Variants in FARS2 observed in about 807,000 individuals in gnomAD.
FARS2 encodes phenylalanine--tRNA ligase, mitochondrial.
Under a neutral mutation model 46.4 loss-of-function variants are expected in FARS2, and 40 were observed. The observed-to-expected ratio is 0.86, with a 90% confidence interval of 0.67 to 1.12. FARS2 has a LOEUF of 1.12. Among genes scored for constraint, FARS2 ranks in the 50% most tolerant of loss-of-function variants. FARS2 has a pLI of 0.00. For synonymous variants in FARS2, 234 were observed against 214.9 expected (o/e 1.09, Z -0.78); for missense variants, 513 against 567.9 (o/e 0.90, Z 0.98).
intron 4 of FARS2, among the ~76,000 whole-genome samples, chr6:5,439,935 A>G (rs138023569): frequency 1.3e-4 from 20 of 152,262 alleles, no homozygotes; most frequent in Non-Finnish European, 2.6e-4. Context: ...AAGCAAACAA[A>G]TACACGTCAG....
At chr6:5,365,842 A>G (rs1758642205) in intron 1 of FARS2, among the ~76,000 whole-genome samples, 1 of 152,196 alleles carries the variant, frequency 6.6e-6, no homozygotes, top group African/African-American at 2.4e-5. Context: ...TAAACTAGAG[A>G]AAAGAAAATG....
At chr6:5,735,862 T>A (rs894294338) in intron 6 of FARS2, among the ~76,000 whole-genome samples, 1 of 152,160 alleles carries the variant, frequency 6.6e-6, no homozygotes, top group Non-Finnish European at 1.5e-5. Context: ...CATAAGGAAG[T>A]TAAGAGTGTC....
intron 2 of FARS2, among the ~76,000 whole-genome samples, chr6:5,384,124 C>T (rs1317319676): frequency 6.6e-6 from 1 of 152,074 alleles, no homozygotes; most frequent in African/African-American, 2.4e-5. Context: ...TGCTTTTTGC[C>T]TTGACACATG....
At chr6:5,420,401 A>G (rs1762477401) in intron 3 of FARS2, among the ~76,000 whole-genome samples, 1 of 151,962 alleles carries the variant, frequency 6.6e-6, no homozygotes, top group African/African-American at 2.4e-5. Context: ...CTCAAATCTC[A>G]TCTGAGACAG....
Position 5,369,048 on chromosome 6 carries a change from C to T in FARS2, c.478C>T (p.Gln160Ter), listed in dbSNP as rs142436793. Residue 160 changes from glutamine to a stop codon, truncating the protein, a stop_gained, in exon 2 of 7, where the codon CAG becomes TAG. Transcript: ENST00000274680. LOFTEE classifies it high-confidence loss of function. Reference protein sequence around the residue: ...HMLRAHTSAHQWDLLHAGLDA... With the variant: ...HMLRAHTSAH ...GCTGAGAGCGCACACGTCTGCACAC[C>T]AGTGGGACTTGCTGCACGCGGGACT... 1.2e-6 allele frequency: 2 copies of T among 1,614,004 alleles called. No individual in the cohort carries two copies. Among genetic ancestry groups the T allele is most frequent in the Non-Finnish European group, 1.7e-6 (2 of 1,180,014 alleles).
intron 3 of FARS2, among the ~76,000 whole-genome samples, chr6:5,418,729 C>G (rs1259838673): frequency 6.6e-6 from 1 of 152,152 alleles, no homozygotes; most frequent in Non-Finnish European, 1.5e-5. Context: ...CCTGACTTGT[C>G]CAGACTCCCG....
At chr6:5,546,198 T>G (rs72817765) in intron 5 of FARS2, among the ~76,000 whole-genome samples, 1 of 151,036 alleles carries the variant, frequency 6.6e-6, no homozygotes, top group Non-Finnish European at 1.5e-5. Flanking sequence ...AGAAATTTTA[T>G]GCAAGAGAAA....
chr6:5,643,976 C>T (rs757681396), intron 6 of FARS2, among the ~76,000 whole-genome samples: 14 of 152,144 alleles, frequency 9.2e-5, no homozygotes, highest in African/African-American at 2.2e-4. Flanking sequence ...ACTGTACCCA[C>T]GAGAAAGAGT....
At chr6:5,721,268 C>T (rs778660531) in intron 6 of FARS2, among the ~76,000 whole-genome samples, 1 of 152,138 alleles carries the variant, frequency 6.6e-6, no homozygotes, top group Non-Finnish European at 1.5e-5. Context: ...ATACCAGCTT[C>T]TGTATTCAGT....
rs1473256770 is a variant in FARS2 at position 5,311,745 on chromosome 6, A to T, written c.-22+50085A>T. 6.6e-6 allele frequency among the ~76,000 whole-genome samples: 1 copy of T among 152,144 alleles called. No individual in the cohort carries two copies. Among genetic ancestry groups the T allele is most frequent in the Non-Finnish European group, 1.5e-5 (1 of 68,034 alleles). ...TGCTCTTTTTTTTGGCATGGAGGGTAAGTGAGAACGTAATGGTTTGTACTT... is the reference window on the plus strand; with the variant it reads ...TGCTCTTTTTTTTGGCATGGAGGGTTAGTGAGAACGTAATGGTTTGTACTT... On this transcript the variant is annotated intron_variant, in intron 1 of 6. Coordinates refer to ENST00000274680, the MANE Select transcript of FARS2 (RefSeq NM_006567.5). The surrounding 1 kb of genome is among the most constrained non-coding windows in gnomAD (Gnocchi z 4.1).
chr6:5,284,161 A>G (rs1766952343), intron 1 of FARS2, among the ~76,000 whole-genome samples: 1 of 152,190 alleles, frequency 6.6e-6, no homozygotes, highest in South Asian at 2.1e-4. Flanking sequence ...GCACCTTGTT[A>G]CAGCTTTCAG....
intron 5 of FARS2, among the ~76,000 whole-genome samples, chr6:5,546,428 T>C (rs555984808): frequency 6.6e-6 from 1 of 151,834 alleles, no homozygotes; most frequent in East Asian, 1.9e-4. Context: ...TTTTGTGTAT[T>C]TTTAGTAGAG....
At chr6:5,517,927 A>G (rs1331723785) in intron 4 of FARS2, among the ~76,000 whole-genome samples, 3 of 152,252 alleles carry the variant, frequency 2.0e-5, no homozygotes, top group African/African-American at 4.8e-5. Flanking sequence ...GTGCTAGAAC[A>G]TAACTCATAC....
At chr6:5,768,204 AC>A (rs1395002520) in intron 6 of FARS2, among the ~76,000 whole-genome samples, 2 of 152,248 alleles carry the variant, frequency 1.3e-5, no homozygotes, top group Non-Finnish European at 2.9e-5. Context: ...AACCTGGTTG[AC>A]TTTCACTTGA....
intron 4 of FARS2, among the ~76,000 whole-genome samples, chr6:5,540,942 G>A (rs1770590856): frequency 6.6e-6 from 1 of 152,118 alleles, no homozygotes; most frequent in South Asian, 2.1e-4. Flanking sequence ...GATAATCTGA[G>A]GTGGTGGGCC....
At chr6:5,533,205 A>G (rs9502315) in intron 4 of FARS2, among the ~76,000 whole-genome samples, 3,317 of 152,300 alleles carry the variant, frequency 0.022, 45 homozygotes, top group Middle Eastern at 0.027. Flanking sequence ...GTAGGGGTCA[A>G]TGAATAGAAT....
At chr6:5,387,100 T>C in intron 2 of FARS2, among the ~76,000 whole-genome samples, 1 of 152,166 alleles carries the variant, frequency 6.6e-6, no homozygotes, top group East Asian at 1.9e-4. Flanking sequence ...AGTTGCAGCA[T>C]GGTCTGGGGC....
chr6:5,715,072 G>A (rs1026509243), intron 6 of FARS2, among the ~76,000 whole-genome samples: 5 of 151,692 alleles, frequency 3.3e-5, no homozygotes, highest in South Asian at 2.1e-4. Context: ...CATTTTACAT[G>A]TGCAGGACAC....
At chr6:5,566,798 T>A (rs1363520168) in intron 5 of FARS2, among the ~76,000 whole-genome samples, 2 of 152,250 alleles carry the variant, frequency 1.3e-5, no homozygotes, top group East Asian at 3.8e-4. Flanking sequence ...GCATTTAAGA[T>A]GTTCCGCTTT....
Sources: gnomAD v4.1 joint callset for allele counts (sites outside exome capture counted in the v4.1 genomes callset) on GRCh38, gnomAD v4.1.1 for gene constraint, Gnocchi (gnomAD v3.1) non-coding constraint, MANE v1.5 for transcripts, NCBI Gene and HGNC (gene_info 2026-07-23, HGNC 2026-07-21) for gene names.